Variants in TNRC6B observed in about 807,000 individuals in gnomAD.
TNRC6B encodes trinucleotide repeat-containing gene 6B protein.
TNRC6B carries 52 observed loss-of-function variants against 203.6 expected under a neutral mutation model. That is an observed-to-expected ratio of 0.26 (90% CI 0.20 to 0.32). TNRC6B has a LOEUF of 0.32. Among genes scored for constraint, TNRC6B ranks in the 10% least tolerant of loss-of-function variants. TNRC6B has a pLI of 1.00. For missense variants in TNRC6B, 1,923 were observed against 2,286.2 expected (o/e 0.84, Z 3.24); for synonymous variants, 838 against 845.7 (o/e 0.99, Z 0.16).
intron 1 of TNRC6B, among the ~76,000 whole-genome samples, chr22:40,064,319 C>T (rs138837688): frequency 6.6e-6 from 1 of 151,348 alleles, no homozygotes; most frequent in Non-Finnish European, 1.5e-5. Flanking sequence ...TTTTTGGTCT[C>T]AGGGGGACCA....
At chr22:40,318,464 A>G (rs1319981869) in intron 21 of TNRC6B, among the ~76,000 whole-genome samples, 2 of 152,030 alleles carry the variant, frequency 1.3e-5, no homozygotes, top group Non-Finnish European at 2.9e-5. Context: ...GGAGAATGGC[A>G]TGAATCTGGG....
intron 1 of TNRC6B, among the ~76,000 whole-genome samples, chr22:40,232,840 C>T (rs1051898253): frequency 2.0e-5 from 3 of 152,182 alleles, no homozygotes; most frequent in Non-Finnish European, 4.4e-5. Flanking sequence ...TGGCGAAACC[C>T]TGTCGCTACT....
chr22:40,049,094 A>G lies in TNRC6B; in HGVS notation c.-121+4096A>G, dbSNP rs554589367. Among the ~76,000 whole-genome samples, 11 of 152,058 alleles carry G rather than the reference A, an allele frequency of 7.2e-5. No homozygotes were observed. The South Asian group carries it at 1.5e-3, about 20-fold the overall frequency. On this transcript the variant is annotated intron_variant, in intron 1 of 23. Coordinates refer to the TNRC6B transcript ENST00000301923. ...GTTCATTTATTTAAAACATTTATAC[A>G]CTGCTGGCTGGGCGCGGTGGCTAAC... is the stretch of plus-strand genomic sequence containing the variant.
At chr22:40,246,471 G>A in intron 2 of TNRC6B, 1 of 159,938 alleles carries the variant, frequency 6.3e-6, no homozygotes. Flanking sequence ...ACAGGTGTGA[G>A]CCACTGCACC....
intron 3 of TNRC6B, 110 bp from the exon 4 acceptor site, chr22:40,261,722 A>G (rs2070386261): frequency 1.0e-6 from 1 of 991,720 alleles, no homozygotes; most frequent in Admixed American, 3.4e-5. Context: ...CAGCATGGGC[A>G]ACATGGCAAG....
At chr22:40,182,911 GTTATT>G (rs2069152778) in intron 1 of TNRC6B, among the ~76,000 whole-genome samples, 2 of 152,136 alleles carry the variant, frequency 1.3e-5, no homozygotes, top group South Asian at 4.1e-4. Flanking sequence ...TGCCTTCCTA[GTTATT>G]TTATCACATC....
chr22:40,048,798 T>G (rs1394777292), intron 1 of TNRC6B, among the ~76,000 whole-genome samples: 1 of 152,064 alleles, frequency 6.6e-6, no homozygotes, highest in Non-Finnish European at 1.5e-5. Flanking sequence ...CACGGCTTTC[T>G]CTTTTCTTTT....
chr22:40,303,306 G>A (rs1014236270), intron 15 of TNRC6B, among the ~76,000 whole-genome samples: 1 of 151,948 alleles, frequency 6.6e-6, no homozygotes, highest in Non-Finnish European at 1.5e-5. Context: ...GGTTACAGGC[G>A]TGAGCCACTG....
At chr22:40,253,406 T>C (rs1332989471) in intron 3 of TNRC6B, among the ~76,000 whole-genome samples, 1 of 152,040 alleles carries the variant, frequency 6.6e-6, no homozygotes, top group Non-Finnish European at 1.5e-5. Context: ...TCTTTTCTTA[T>C]AGAAAAAATT....
chr22:40,210,356 G>C (rs547662393), intron 1 of TNRC6B, among the ~76,000 whole-genome samples: 2 of 152,280 alleles, frequency 1.3e-5, no homozygotes, highest in African/African-American at 4.8e-5. Flanking sequence ...CTAACACCAG[G>C]CATTGGCCCC....
intron 4 of TNRC6B, among the ~76,000 whole-genome samples, chr22:40,264,411 T>C (rs1346525176): frequency 1.3e-5 from 2 of 152,168 alleles, no homozygotes; most frequent in Admixed American, 1.3e-4. Context: ...GCCATTGCTA[T>C]TGCCTTGTCC....
chr22:40,195,777 T>C (rs983545400), intron 1 of TNRC6B, among the ~76,000 whole-genome samples: 1 of 152,046 alleles, frequency 6.6e-6, no homozygotes, highest in Admixed American at 6.6e-5. Context: ...TTTTGTTTTG[T>C]TTTGTTTTTT....
At chr22:40,162,687 G>A (rs527645268) in intron 4 of TNRC6B, among the ~76,000 whole-genome samples, 1 of 152,014 alleles carries the variant, frequency 6.6e-6, no homozygotes, top group Non-Finnish European at 1.5e-5. Context: ...ATATGTACAT[G>A]TTGAAATAAA....
chr22:40,138,121 C>T (rs1003820371), intron 3 of TNRC6B, among the ~76,000 whole-genome samples: 2 of 152,022 alleles, frequency 1.3e-5, no homozygotes, highest in African/African-American at 4.8e-5. Context: ...TGAAATAAGG[C>T]AGTAACAGTG....
rs567874971 is a variant in TNRC6B at position 40,157,852 on chromosome 22, C to T, written c.113+1670C>T. 3.9e-5 allele frequency among the ~76,000 whole-genome samples: 6 copies of T among 152,300 alleles called. No individual in the cohort carries two copies. In the East Asian group the frequency reaches 1.2e-3, roughly 29 times the overall value. On this transcript the variant is annotated intron_variant, in intron 4 of 23. Transcript: ENST00000301923. ...TTTACTCTGTCATTTCCACTCATTA[C>T]ACCATTTCATCTCCATTTCACTCAG...
At chr22:40,069,138 C>T (rs371571168) in intron 1 of TNRC6B, among the ~76,000 whole-genome samples, 47 of 152,060 alleles carry the variant, frequency 3.1e-4, no homozygotes, top group Admixed American at 3.3e-4. Context: ...CTCGCTGTCT[C>T]GCCCAGGCTG....
chr22:40,279,697 A>G (rs1317541242), intron 9 of TNRC6B, among the ~76,000 whole-genome samples: 1 of 152,168 alleles, frequency 6.6e-6, no homozygotes, highest in Non-Finnish European at 1.5e-5. Context: ...TCTTAGCGAG[A>G]TTTTTGCCAG....
chr22:40,170,807 ATG>A (rs2068980797), intron 4 of TNRC6B, among the ~76,000 whole-genome samples: 11 of 46,462 alleles, frequency 2.4e-4, no homozygotes, highest in African/African-American at 6.6e-4. Flanking sequence ...ATATACATAT[ATG>A]TACATATATG....
chr22:40,294,278 A>C, intron 12 of TNRC6B, among the ~76,000 whole-genome samples: 1 of 151,932 alleles, frequency 6.6e-6, no homozygotes, highest in East Asian at 1.9e-4. Context: ...CAATCAGTCA[A>C]TCAATCAATC....
Sources: allele counts gnomAD v4.1 joint callset (sites outside exome capture counted in the v4.1 genomes callset), GRCh38; gene constraint gnomAD v4.1.1; transcripts MANE v1.5; gene names NCBI Gene and HGNC (gene_info 2026-07-23, HGNC 2026-07-21).